The following WNK2 variants were observed in gnomAD, a reference collection of about 807,000 sequenced individuals.
WNK2 encodes the protein WNK lysine deficient protein kinase 2.
WNK2 carries 67 observed loss-of-function variants against 192.1 expected under a neutral mutation model. That is an observed-to-expected ratio of 0.35 (90% confidence interval 0.29 to 0.43). The LOEUF (loss-of-function observed/expected upper bound fraction) is 0.43. Among genes scored for constraint, WNK2 ranks in the 20% least tolerant of loss-of-function variants. The pLI is 1.00. For synonymous variants in WNK2, 1,439 were observed against 1,393.9 expected (o/e 1.03, Z -0.72); for missense variants, 2,698 against 3,089.7 (o/e 0.87, Z 3.01).
Position 93,185,194 on chromosome 9 carries a change from GC to G in WNK2, c.268del (p.Arg90AlafsTer13). The G allele has an allele frequency of 8.6e-7, 1 of 1,162,350 alleles. No homozygotes were observed. The highest frequency in any genetic ancestry group is 1.1e-6 in the Non-Finnish European group (1 of 945,022). 72.0% of individuals were successfully genotyped at this position (1,162,350 alleles called of 1,614,324 possible). A position where few individuals can be genotyped will look rare whatever the true frequency, so the allele number is the denominator to read the frequency against. On this transcript the variant is annotated frameshift_variant, in exon 2 of 30. Coordinates refer to ENST00000427277, the MANE Select transcript of WNK2 (RefSeq NM_006648.4). LOFTEE classifies it high-confidence loss of function. Reference protein sequence around the residue: ...CKTRRLIAERARGRPAAPAPA... With the variant: ...CKTRRLIAERXRGRPAAPAPA... The stretch of plus-strand genomic sequence containing the variant: ...GACGCGCCGCCTCATCGCGGAGCGC[GC>G]CCGCGGACGCCCCGCCGCCCCCGCG...
At position 93,239,032 on chromosome 9, in the gene WNK2, A is replaced by G. The variant is rs1840287297; in HGVS notation, c.1322+711A>G. ...ACACAGAGGAAGCCAGGCCCCAAAG[A>G]GTGCGTGCTGTGTGGTTCCATTTAT... On this transcript the variant is annotated intron_variant, in intron 6 of 29. Coordinates refer to ENST00000427277, the MANE Select transcript of WNK2 (RefSeq NM_006648.4). This position sits in a 1 kb window ranked among gnomAD's most constrained non-coding sequence, Gnocchi z 4.2. 6.6e-6 allele frequency among the ~76,000 whole-genome samples: 1 copy of G among 152,206 alleles called. No homozygotes were observed. The highest frequency in any genetic ancestry group is 1.5e-5 in the Non-Finnish European group (1 of 68,038).
chr9:93,292,184 C>G, intron 21 of WNK2, 124 bp from the exon 22 acceptor site: 3 of 962,588 alleles, frequency 3.1e-6, no homozygotes, highest in Non-Finnish European at 4.9e-6. Flanking sequence ...GTACCCACTT[C>G]CATTGTCCTG....
At chr9:93,254,728 C>T (rs575784589) in intron 9 of WNK2, among the ~76,000 whole-genome samples, 5 of 152,116 alleles carry the variant, frequency 3.3e-5, no homozygotes, top group African/African-American at 7.2e-5. Flanking sequence ...TTTTGGGAGC[C>T]GAAGGCAGGA....
chr9:93,214,057 A>G (rs1242163849), intron 2 of WNK2, among the ~76,000 whole-genome samples: 1 of 152,122 alleles, frequency 6.6e-6, no homozygotes, highest in African/African-American at 2.4e-5. Flanking sequence ...AGAGAGTGAC[A>G]ATGACTGATG....
chr9:93,227,199 C>T (rs1277406520), intron 2 of WNK2, among the ~76,000 whole-genome samples: 3 of 151,654 alleles, frequency 2.0e-5, no homozygotes, highest in Non-Finnish European at 2.9e-5. Context: ...CTGCAAGCTG[C>T]ACCTCCTGGG....
intron 2 of WNK2, among the ~76,000 whole-genome samples, chr9:93,190,464 G>A (rs1830137428): frequency 6.6e-6 from 1 of 152,260 alleles, no homozygotes. Flanking sequence ...TACCTGTGCT[G>A]CTTTCTGAGC....
chr9:93,289,568 C>T lies in WNK2; in HGVS notation c.4814C>T (p.Pro1605Leu). Residue 1605 changes from proline (P) to leucine (L), a missense_variant, in exon 20 of 30, where the codon CCC becomes CTC. Transcript: ENST00000427277. Reference sequence around the variant, plus strand: ...GTCTGCGGGGGGGACCTGGCCCTGCCCCCAGTGCCTAAGGAGGCGGTCTCA... The same window carrying T: ...GTCTGCGGGGGGGACCTGGCCCTGCTCCCAGTGCCTAAGGAGGCGGTCTCA... ...SEVCGGDLAL[P>L]PVPKEAVSGR... 2 of 1,539,032 alleles carry T rather than the reference C, an allele frequency of 1.3e-6. No homozygotes were observed. The highest frequency in any genetic ancestry group is 1.7e-6 in the Non-Finnish European group (2 of 1,143,518).
intron 9 of WNK2, among the ~76,000 whole-genome samples, chr9:93,254,748 G>A (rs1483989135): frequency 6.6e-6 from 1 of 152,088 alleles, no homozygotes; most frequent in Admixed American, 6.5e-5. Context: ...AAGATCACTT[G>A]AGCCCAAGAG....
Position 93,297,936 on chromosome 9 carries a change from C to T in WNK2, c.5792C>T (p.Pro1931Leu). 1 of 1,589,430 alleles carries T rather than the reference C, an allele frequency of 6.3e-7. No individual in the cohort carries two copies. The highest frequency in any genetic ancestry group is 8.6e-7 in the Non-Finnish European group (1 of 1,169,170). ...TACCGCCGCCTGGGCAAGCCACTGC[C>T]CCCCAACGTGGGCTTCTTCCACACG... ...ALYRRLGKPLPPNVGFFHTAP... is the reference protein window; with the variant it reads ...ALYRRLGKPLLPNVGFFHTAP... Residue 1931 changes from proline to leucine, a missense_variant, in exon 24 of 30, where the codon CCC becomes CTC. Transcript: ENST00000427277.
chr9:93,318,399 C>T (rs367936667), intron 29 of WNK2: 142 of 1,614,026 alleles, frequency 8.8e-5, no homozygotes, highest in Admixed American at 2.5e-4. Context: ...TCCCTGGGCT[C>T]ATCCAGGGGC....
intron 26 of WNK2, among the ~76,000 whole-genome samples, chr9:93,304,309 G>C (rs1852110649): frequency 6.6e-6 from 1 of 152,246 alleles, no homozygotes; most frequent in Non-Finnish European, 1.5e-5. Flanking sequence ...GGCTTCAGCT[G>C]ATGTCGGCTG....
intron 7 of WNK2, among the ~76,000 whole-genome samples, chr9:93,240,849 A>G (rs1183189374): frequency 1.3e-5 from 2 of 152,268 alleles, no homozygotes; most frequent in African/African-American, 4.8e-5. Flanking sequence ...ATTAAAATTT[A>G]AAATCCACTT....
At position 93,267,819 on chromosome 9, in the gene WNK2, C is replaced by T. The variant is rs777094287; in HGVS notation, c.3770C>T (p.Ala1257Val). Residue 1257 changes from alanine (A) to valine (V), a missense_variant, in exon 17 of 30, where the codon GCA (alanine) becomes GTA (valine). Transcript: ENST00000427277. ...IEQMKDVMDK[A>V]EDMLSEDTDA... ...CAGATGAAGGATGTCATGGACAAGG[C>T]AGAGGACATGCTCAGCGAGGACACA... is the stretch of plus-strand genomic sequence containing the variant. 6.2e-7 allele frequency: 1 copy of T among 1,612,600 alleles called. No individual in the cohort carries two copies. Among genetic ancestry groups the T allele is most frequent in the African/African-American group, 1.3e-5 (1 of 75,026 alleles).
chr9:93,263,883 C>A, intron 15 of WNK2, 34 bp from the exon 16 acceptor site: 1 of 1,549,886 alleles, frequency 6.5e-7, no homozygotes, highest in Non-Finnish European at 8.7e-7. Context: ...CGTGTGGGTA[C>A]GCCCGTGGTG....
At chr9:93,226,189 CG>C (rs1206875801) in intron 2 of WNK2, among the ~76,000 whole-genome samples, 1 of 152,194 alleles carries the variant, frequency 6.6e-6, no homozygotes, top group African/African-American at 2.4e-5. Context: ...AAGACTTGCT[CG>C]GGGTTCTGAC....
chr9:93,310,302 C>T (rs1028363107), intron 28 of WNK2, among the ~76,000 whole-genome samples: 1 of 152,186 alleles, frequency 6.6e-6, no homozygotes, highest in Non-Finnish European at 1.5e-5. Flanking sequence ...GAGGCTGCAC[C>T]CGGAGCCTGG....
chr9:93,291,783 T>C (rs1255389980), intron 21 of WNK2, among the ~76,000 whole-genome samples: 1 of 152,202 alleles, frequency 6.6e-6, no homozygotes, highest in African/African-American at 2.4e-5. Flanking sequence ...CCATGTCAGC[T>C]TGCTTGGCTT....
intron 12 of WNK2, among the ~76,000 whole-genome samples, chr9:93,260,015 T>A (rs1435849474): frequency 1.3e-5 from 2 of 151,816 alleles, no homozygotes; most frequent in Non-Finnish European, 2.9e-5. Context: ...TGAGGCAGGG[T>A]GACAACCCCA....
At chr9:93,277,693 T>C (rs1352199907) in intron 19 of WNK2, among the ~76,000 whole-genome samples, 1 of 152,188 alleles carries the variant, frequency 6.6e-6, no homozygotes, top group Admixed American at 6.5e-5. Context: ...AGAATGTTCC[T>C]ATATAGGGAA....
Sources: allele counts gnomAD v4.1 joint callset (sites outside exome capture counted in the v4.1 genomes callset), GRCh38; gene constraint gnomAD v4.1.1; non-coding constraint Gnocchi (gnomAD v3.1); transcripts MANE v1.5; gene names NCBI Gene and HGNC (gene_info 2026-07-23, HGNC 2026-07-21).